ZNF544: variants seen among roughly 807,000 people sequenced by gnomAD.
ZNF544 encodes the protein zinc finger protein 544.
ZNF544 carries 10 observed loss-of-function variants against 13.5 expected under a neutral mutation model. That is an observed-to-expected ratio of 0.74 (90% CI 0.46 to 1.25). The LOEUF is 1.25. Among genes scored for constraint, ZNF544 ranks in the 50% most tolerant of loss-of-function variants. The probability of loss-of-function intolerance (pLI) is 0.00; values close to 1 mark genes in which losing one functional copy is unlikely to be tolerated. For synonymous variants in ZNF544, 323 were observed against 300.5 expected (o/e 1.07, Z -0.77); for missense variants, 896 against 845.6 (o/e 1.06, Z -0.74).
At chr19:58,237,441 G>A (rs1316185229) in intron 3 of ZNF544, among the ~76,000 whole-genome samples, 1 of 152,212 alleles carries the variant, frequency 6.6e-6, no homozygotes, top group Non-Finnish European at 1.5e-5. Context: ...CAGGCCGGCA[G>A]CTTGCTGGTC....
chr19:58,246,779 C>G lies in ZNF544; in HGVS notation c.229C>G (p.Gln77Glu). ...EQEEDLCRAE[Q>E]EAPRDWKATL... ...AGAAGAGGACCTGTGCAGGGCAGAGCAGGAGGCCCCCCGAGGTAAGAGCAG... is the reference window on the plus strand; with the variant it reads ...AGAAGAGGACCTGTGCAGGGCAGAGGAGGAGGCCCCCCGAGGTAAGAGCAG... Residue 77 changes from glutamine to glutamate, a missense_variant, in exon 6 of 7, where the codon CAG becomes GAG. By Grantham distance (29) the Gln-to-Glu change is conservative. Coordinates refer to ENST00000687789, the MANE Select transcript of ZNF544 (RefSeq NM_014480.4). 6.2e-7 allele frequency: 1 copy of G among 1,614,054 alleles called. No individual in the cohort carries two copies. Among genetic ancestry groups the G allele is most frequent in the Non-Finnish European group, 8.5e-7 (1 of 1,179,930 alleles).
chr19:58,255,174 C>T (rs1183976339), intron 6 of ZNF544, among the ~76,000 whole-genome samples: 1 of 148,902 alleles, frequency 6.7e-6, no homozygotes, highest in African/African-American at 2.5e-5. Flanking sequence ...AGGTGTGAGC[C>T]ACAGCGCCCA....
intron 4 of ZNF544, among the ~76,000 whole-genome samples, chr19:58,245,244 G>A (rs1283445317): frequency 1.6e-5 from 2 of 128,026 alleles, no homozygotes; most frequent in Admixed American, 1.7e-4. Flanking sequence ...CCGACCCCCT[G>A]TCACCTTCTT....
chr19:58,272,087 G>T (rs1218727777), intron 5 of ZNF544, among the ~76,000 whole-genome samples: 1 of 151,844 alleles, frequency 6.6e-6, no homozygotes, highest in Non-Finnish European at 1.5e-5. Flanking sequence ...CTGGAACCCG[G>T]GAGTTGGAGA....
intron 3 of ZNF544, among the ~76,000 whole-genome samples, chr19:58,238,185 GC>G (rs2042835196): frequency 6.6e-6 from 1 of 152,146 alleles, no homozygotes; most frequent in Non-Finnish European, 1.5e-5. Context: ...ACCAGCCTTG[GC>G]CTCCCAGAGT....
In ZNF544 at chr19:58,255,934, G is replaced by A. The variant is rs758839745; in HGVS notation, c.245-4917G>A. On this transcript the variant is annotated intron_variant, in intron 6 of 6. Transcript: ENST00000687789. Reference sequence around the variant, plus strand: ...AGTTACCAAGGAACTAGTAGGAAACGGCAGCTGAAAGATTTTCTGAAAAAG... The same window carrying A: ...AGTTACCAAGGAACTAGTAGGAAACAGCAGCTGAAAGATTTTCTGAAAAAG... Among the ~76,000 whole-genome samples the A allele has an allele frequency of 6.2e-4, 94 of 152,332 alleles. 1 individual carries two copies. The highest frequency in any genetic ancestry group is 2.2e-3 in the Admixed American group (33 of 15,294).
chr19:58,246,827 G>A (rs776474948), intron 6 of ZNF544, 33 bp downstream of exon 6: 54 of 1,604,260 alleles, frequency 3.4e-5, no homozygotes, highest in Non-Finnish European at 4.4e-5. Context: ...GCAGCTCAAC[G>A]TTTAACAAGC....
rs568426899 is a variant in ZNF544, at chr19:58,253,034, G to A, written c.244+6240G>A. 4.8e-4 allele frequency among the ~76,000 whole-genome samples: 73 copies of A among 152,300 alleles called. No homozygotes were observed. In the Middle Eastern group the frequency reaches 0.01, roughly 21 times the overall value. On this transcript the variant is annotated intron_variant, in intron 6 of 6. Transcript: ENST00000687789. ...AGGGTTTCACCATGTTGGCCAGGAT[G>A]GGCTCGATTTCCTGACCTTGTGATC... is the stretch of plus-strand genomic sequence containing the variant.
chr19:58,255,713 G>A (rs1295601431), intron 6 of ZNF544, among the ~76,000 whole-genome samples: 2 of 152,232 alleles, frequency 1.3e-5, no homozygotes, highest in Admixed American at 6.5e-5. Context: ...TAAGAAAAGA[G>A]GATTTAAGTC....
At chr19:58,245,091 G>A (rs2044805753) in intron 4 of ZNF544, among the ~76,000 whole-genome samples, 1 of 151,922 alleles carries the variant, frequency 6.6e-6, no homozygotes, top group African/African-American at 2.4e-5. Flanking sequence ...GGGATTACAG[G>A]TGCCCGCCAC....
At chr19:58,276,495 T>A (rs113298523) in intron 6 of ZNF544, 14 of 1,009,854 alleles carry the variant, frequency 1.4e-5, no homozygotes, top group Non-Finnish European at 1.8e-5. Context: ...TGAGATGGAG[T>A]CTCACTCTGT....
At chr19:58,246,868 G>A in intron 6 of ZNF544, 74 bp downstream of exon 6, 2 of 1,433,000 alleles carry the variant, frequency 1.4e-6, no homozygotes, top group Non-Finnish European at 1.9e-6. Flanking sequence ...AGGGCCCCAG[G>A]GGCCAAGGAG....
downstream of ZNF544, chr19:58,266,928 C>T (rs1299977892): frequency 6.6e-6 from 1 of 152,218 alleles, no homozygotes; most frequent in East Asian, 1.9e-4. Context: ...AGCAGCCCCG[C>T]CTGTCTGTGG....
intron 5 of ZNF544, among the ~76,000 whole-genome samples, chr19:58,272,553 T>C (rs2147898674): frequency 6.6e-6 from 1 of 150,956 alleles, no homozygotes; most frequent in South Asian, 2.1e-4. Flanking sequence ...GAGACCCTGT[T>C]TCTTTAAAAA....
At chr19:58,233,793 G>A (rs61301121) in intron 3 of ZNF544, among the ~76,000 whole-genome samples, 16,760 of 152,130 alleles carry the variant, frequency 0.11, 2,479 homozygotes, top group African/African-American at 0.34. Context: ...TGGTGCCCCA[G>A]TATCTTCTCT....
intron 4 of ZNF544, among the ~76,000 whole-genome samples, chr19:58,245,002 G>A (rs1231824783): frequency 1.3e-5 from 2 of 151,394 alleles, no homozygotes; most frequent in East Asian, 3.9e-4. Flanking sequence ...AGGCTGGAGT[G>A]CAGTGGCACA....
intron 3 of ZNF544, among the ~76,000 whole-genome samples, chr19:58,241,188 T>TAATATATATATATATA (rs2043753685): frequency 8.9e-6 from 1 of 112,070 alleles, no homozygotes; most frequent in Non-Finnish European, 1.8e-5. Flanking sequence ...TATTTTTTTT[T>TAATATATATATATATA]TTTTGTAGAG....
In ZNF544 at chr19:58,269,616, A is replaced by AAG. The variant is rs1234353119; in HGVS notation, c.245-6706_245-6705insGA. 1.9e-4 allele frequency among the ~76,000 whole-genome samples: 28 copies of AAG among 148,188 alleles called. No homozygotes were observed. The South Asian group carries it at 3.0e-3, about 16-fold the overall frequency. On this transcript the variant is annotated intron_variant, in intron 5 of 6. Transcript: ENST00000595981. Reference sequence around the variant, plus strand: ...ACAAAGCGAGACTCTGTCTCAAAAAAAAAAAAAAAAAAAAAGATGGCAGGG... The same window carrying AAG: ...ACAAAGCGAGACTCTGTCTCAAAAAAAGAAAAAAAAAAAAAAAGATGGCAGGG...
chr19:58,265,404 T>G (rs767100647), downstream of ZNF544, among the ~76,000 whole-genome samples: 1 of 151,342 alleles, frequency 6.6e-6, no homozygotes, highest in Non-Finnish European at 1.5e-5. Context: ...CACGCCACTC[T>G]CCTGCCTCAA....
Sources: allele counts gnomAD v4.1 joint callset (sites outside exome capture counted in the v4.1 genomes callset), GRCh38; gene constraint gnomAD v4.1.1; transcripts MANE v1.5; gene names NCBI Gene and HGNC (gene_info 2026-07-23, HGNC 2026-07-21).